Variants in ENPP4 observed in about 807,000 individuals in gnomAD.
ENPP4 encodes ectonucleotide pyrophosphatase/phosphodiesterase 4.
A neutral mutation model predicts 33.4 loss-of-function variants in ENPP4; 18 were observed. That is an observed-to-expected ratio of 0.54 (90% CI 0.37 to 0.80). The LOEUF (loss-of-function observed/expected upper bound fraction) is 0.80. ENPP4 is among the 30% of genes least tolerant of loss of function. The probability of loss-of-function intolerance (pLI) is 0.00; values close to 1 mark genes in which losing one functional copy is unlikely to be tolerated. For synonymous variants in ENPP4, 172 were observed against 189.9 expected (o/e 0.91, Z 0.78); for missense variants, 480 against 541.7 (o/e 0.89, Z 1.13).
At chr6:46,137,195 A>T (rs1355563903) in intron 1 of ENPP4, among the ~76,000 whole-genome samples, 1 of 151,876 alleles carries the variant, frequency 6.6e-6, no homozygotes, top group Admixed American at 6.6e-5. Context: ...GTGCAGTGGG[A>T]TAGGATTGGT....
At chr6:46,137,333 C>T (rs1763992377) in intron 1 of ENPP4, among the ~76,000 whole-genome samples, 1 of 151,834 alleles carries the variant, frequency 6.6e-6, no homozygotes, top group African/African-American at 2.4e-5. Context: ...ATTTAAAAGT[C>T]TACTCTGTGA....
rs191426411 is a variant in ENPP4, at chr6:46,141,229, A to C, written c.997+7A>C. The C allele has an allele frequency of 1.8e-5, 29 of 1,601,020 alleles. No homozygotes were observed. The East Asian group carries it at 6.0e-4, about 33-fold the overall frequency. On this transcript the variant is annotated splice_region_variant and intron_variant, in intron 3 of 3. Transcript: ENST00000321037. ...AATGAATCATCACAAAAATGTAAGTATTTAGTTGAGATATTTCTGTTGTAT... is the reference window on the plus strand; with the variant it reads ...AATGAATCATCACAAAAATGTAAGTCTTTAGTTGAGATATTTCTGTTGTAT...
At chr6:46,132,193 C>T (rs1234547259) in intron 1 of ENPP4, among the ~76,000 whole-genome samples, 2 of 151,946 alleles carry the variant, frequency 1.3e-5, no homozygotes, top group Admixed American at 6.6e-5. Flanking sequence ...CTTTTGTTGC[C>T]GTTGCTTTTG....
chr6:46,136,252 T>C (rs1202863993), intron 1 of ENPP4, among the ~76,000 whole-genome samples: 2 of 152,038 alleles, frequency 1.3e-5, no homozygotes, highest in Non-Finnish European at 2.9e-5. Flanking sequence ...TTTTGATTAT[T>C]ATATATTTGA....
intron 3 of ENPP4, among the ~76,000 whole-genome samples, chr6:46,142,534 C>A (rs1463736186): frequency 6.8e-6 from 1 of 147,246 alleles, no homozygotes; most frequent in Non-Finnish European, 1.5e-5. Flanking sequence ...ATATATTCTG[C>A]TTTTTGTCAT....
At chr6:46,137,763 C>G (rs1034689064) in intron 1 of ENPP4, among the ~76,000 whole-genome samples, 1 of 151,814 alleles carries the variant, frequency 6.6e-6, no homozygotes, top group African/African-American at 2.4e-5. Flanking sequence ...GCACCACATT[C>G]AGAAGGCAAC....
At position 46,144,940 on chromosome 6, in the gene ENPP4, G is replaced by C. The variant is rs936509195; in HGVS notation, c.*1300G>C. 2 of 396,330 alleles carry C rather than the reference G, an allele frequency of 5.0e-6. No individual in the cohort carries two copies. Among genetic ancestry groups the C allele is most frequent in the African/African-American group, 4.1e-5 (2 of 48,458 alleles). The allele number at this position is 396,330 out of a possible 1,614,324, so 24.6% of individuals were successfully genotyped here. ...AGCCAAGGGTTTATTGTGAAGAACT[G>C]TCATCCTGCCTTTGCTAGCTGGTAC... On this transcript the variant is annotated 3_prime_UTR_variant, in exon 4 of 4. Coordinates refer to ENST00000321037, the MANE Select transcript of ENPP4 (RefSeq NM_014936.5).
At chr6:46,143,160 G>T (rs1764092952) in intron 3 of ENPP4, 116 bp from the exon 4 acceptor site, 3 of 1,022,016 alleles carry the variant, frequency 2.9e-6, no homozygotes, top group South Asian at 3.2e-5. Context: ...TGAAGAAATA[G>T]AAATTTTTAT....
intron 1 of ENPP4, among the ~76,000 whole-genome samples, chr6:46,139,227 T>G (rs1401389692): frequency 1.3e-5 from 2 of 151,776 alleles, no homozygotes; most frequent in Non-Finnish European, 3.0e-5. Flanking sequence ...ATCATTTTAG[T>G]GTCTGCATCT....
At chr6:46,130,381 G>A (rs1456911092) in intron 1 of ENPP4, among the ~76,000 whole-genome samples, 192 bp downstream of exon 1, 1 of 152,228 alleles carries the variant, frequency 6.6e-6, no homozygotes, top group Non-Finnish European at 1.5e-5. Context: ...GTGGCGGGCC[G>A]AGGCGGAGGC....
At position 46,144,093 on chromosome 6, in the gene ENPP4, A is replaced by C. The variant is rs1764108898; in HGVS notation, c.*453A>C. On this transcript the variant is annotated 3_prime_UTR_variant, in exon 4 of 4. Transcript: ENST00000321037. ...TGAATTTTGTATATTAGGGAGGAAA[A>C]GCTTCCTATATTTTTATATTTACCT... 6.5e-6 allele frequency: 1 copy of C among 153,666 alleles called. No homozygotes were observed. The highest frequency in any genetic ancestry group is 2.4e-5 in the African/African-American group (1 of 41,408). The allele number at this position is 153,666 out of a possible 1,614,324, so 9.5% of individuals were successfully genotyped here. A position where few individuals can be genotyped will look rare whatever the true frequency, so the allele number is the denominator to read the frequency against.
rs960533482 is a variant in ENPP4 at position 46,144,003 on chromosome 6, A to G, written c.*363A>G. ...AAATGAAAATATACCAAAATTTAGT[A>G]GGCATGTTTTTCTAATAAATTTATA... is the stretch of plus-strand genomic sequence containing the variant. On this transcript the variant is annotated 3_prime_UTR_variant, in exon 4 of 4. Transcript: ENST00000321037. The G allele has an allele frequency of 6.2e-6, 1 of 160,628 alleles. No individual in the cohort carries two copies. Among genetic ancestry groups the G allele is most frequent in the Non-Finnish European group, 1.4e-5 (1 of 73,500 alleles). The allele number at this position is 160,628 out of a possible 1,614,324, so 10.0% of individuals were successfully genotyped here.
chr6:46,132,818 C>T lies in ENPP4; in HGVS notation c.-34+2629C>T, dbSNP rs562475009. On this transcript the variant is annotated intron_variant, in intron 1 of 3. Transcript: ENST00000321037. ...ATGTTCTTCCATTTGTTTGTATCCTCTTTTATTTCCTTGAGCAGTGGTTTG... is the reference window on the plus strand; with the variant it reads ...ATGTTCTTCCATTTGTTTGTATCCTTTTTTATTTCCTTGAGCAGTGGTTTG... Among the ~76,000 whole-genome samples, 5 of 152,068 alleles carry T rather than the reference C, an allele frequency of 3.3e-5. No individual in the cohort carries two copies. In the South Asian group the frequency reaches 1.0e-3, roughly 32 times the overall value.
At chr6:46,142,176 C>T (rs531180302) in intron 3 of ENPP4, among the ~76,000 whole-genome samples, 6 of 150,716 alleles carry the variant, frequency 4.0e-5, no homozygotes, top group East Asian at 1.9e-4. Context: ...TGTTGACAAC[C>T]GAAAGTATAG....
intron 1 of ENPP4, among the ~76,000 whole-genome samples, chr6:46,135,676 T>A (rs1322861695): frequency 6.6e-6 from 1 of 152,084 alleles, no homozygotes; most frequent in East Asian, 1.9e-4. Flanking sequence ...AAGTCCAGTT[T>A]ATTTCTCTTT....
At chr6:46,142,947 A>G (rs1764089513) in intron 3 of ENPP4, among the ~76,000 whole-genome samples, 1 of 151,736 alleles carries the variant, frequency 6.6e-6, no homozygotes, top group Non-Finnish European at 1.5e-5. Flanking sequence ...TATAACTGGT[A>G]CTGCTTGCAG....
intron 1 of ENPP4, among the ~76,000 whole-genome samples, chr6:46,136,332 G>A (rs897242276): frequency 1.3e-5 from 2 of 152,006 alleles, no homozygotes; most frequent in Non-Finnish European, 2.9e-5. Flanking sequence ...ATTAGTGATA[G>A]TAGATATTTG....
At chr6:46,133,567 G>A (rs1763934365) in intron 1 of ENPP4, among the ~76,000 whole-genome samples, 1 of 152,172 alleles carries the variant, frequency 6.6e-6, no homozygotes, top group South Asian at 2.1e-4. Context: ...AGAGAAATTA[G>A]AAGGTAGTTT....
At chr6:46,137,508 G>A (rs762321989) in intron 1 of ENPP4, among the ~76,000 whole-genome samples, 3 of 151,810 alleles carry the variant, frequency 2.0e-5, no homozygotes, top group South Asian at 2.1e-4. Context: ...AACTCTCTGA[G>A]GGAGGAGTTA....
Sources: allele counts gnomAD v4.1 joint callset (sites outside exome capture counted in the v4.1 genomes callset), GRCh38; gene constraint gnomAD v4.1.1; transcripts MANE v1.5; gene names NCBI Gene and HGNC (gene_info 2026-07-23, HGNC 2026-07-21).